Variants in AP1B1 observed in about 807,000 individuals in gnomAD.
AP1B1 encodes the protein AP-1 complex subunit beta-1.
Under a neutral mutation model 104.3 loss-of-function variants are expected in AP1B1, and 36 were observed. That is an observed-to-expected ratio of 0.35 (90% CI 0.26 to 0.46). The LOEUF is 0.46. Ranked by LOEUF, AP1B1 falls within the 20% of genes least tolerant of loss-of-function variation. The pLI is 1.00. For synonymous variants in AP1B1, 504 were observed against 517.5 expected, an observed-to-expected ratio of 0.97 and a Z score of 0.35; for missense variants, 901 against 1,247.9, an observed-to-expected ratio of 0.72 and a Z score of 4.19.
chr22:29,330,112 A>G, intron 21 of AP1B1: 1 of 1,417,730 alleles, frequency 7.1e-7, no homozygotes, highest in Non-Finnish European at 9.2e-7. Context: ...AGGGGTGCCA[A>G]ACCAACTGCA....
chr22:29,341,800 C>A (rs1240269892), intron 12 of AP1B1, 40 bp from the exon 13 acceptor site: 19 of 1,574,898 alleles, frequency 1.2e-5, no homozygotes, highest in Non-Finnish European at 1.6e-5. Context: ...CTCAGAGTAG[C>A]CAGGTGAGAA....
Position 29,328,854 on chromosome 22 carries a change from C to T in AP1B1, c.2817G>A (p.Val939=), listed in dbSNP as rs1430180632. Residue 939 remains valine, a synonymous_variant, in exon 23 of 23, where the codon GTG becomes GTA. Transcript: ENST00000357586. This position sits in a 1 kb window ranked among gnomAD's most constrained non-coding sequence, Gnocchi z 4.1. ...KCRAPEVSQH[V]YQAYETILKN ...TGAGGATGGTCTCGTAGGCCTGGTACACGTGCTGGGACACCTCTGGTGCTC... is the reference window on the plus strand; with the variant it reads ...TGAGGATGGTCTCGTAGGCCTGGTATACGTGCTGGGACACCTCTGGTGCTC... 1 of 1,609,408 alleles carries T rather than the reference C, an allele frequency of 6.2e-7. No individual in the cohort carries two copies. Among genetic ancestry groups the T allele is most frequent in the African/African-American group, 1.3e-5 (1 of 74,856 alleles).
intron 3 of AP1B1, among the ~76,000 whole-genome samples, chr22:29,360,576 C>T (rs2062029856): frequency 1.3e-5 from 2 of 152,218 alleles, no homozygotes; most frequent in African/African-American, 4.8e-5. Flanking sequence ...GAGCACACAC[C>T]ATACACCAGG....
chr22:29,328,903 G>A lies in AP1B1; in HGVS notation c.2776-8C>T. 1 of 1,606,578 alleles carries A rather than the reference G, an allele frequency of 6.2e-7. No homozygotes were observed. ...TCGACACTTCAGGGACAGCTGCAGG[G>A]GAGAGAGGGGTCGGGGGAAAGAGCG... On this transcript the variant is annotated splice_region_variant and splice_polypyrimidine_tract_variant and intron_variant, in intron 22 of 22. Transcript: ENST00000357586. The surrounding 1 kb of genome is among the most constrained non-coding windows in gnomAD (Gnocchi z 4.1).
Position 29,331,792 on chromosome 22 carries a change from G to C in AP1B1, c.2434C>G (p.Leu812Val). 1.2e-6 allele frequency: 2 copies of C among 1,614,220 alleles called. No individual in the cohort carries two copies. The highest frequency in any genetic ancestry group is 1.7e-6 in the Non-Finnish European group (2 of 1,180,042). ...CTGCCCTGCCCGGAACCCACCTGGA[G>C]GTTGTTCAGAGGCTCCATCTTCATG... ...SVMKMEPLNN[L>V]QVAVKNNIDV... The change falls in exon 18 of 23, where the codon CTC becomes GTC. Residue 812 changes from leucine (L) to valine (V), a missense_variant. Around this residue, in one of 3 missense-constraint regions of AP1B1, gnomAD observed 424 missense variants for 494.0 expected, o/e 0.86. Coordinates refer to ENST00000357586, the MANE Select transcript of AP1B1 (RefSeq NM_001127.4).
chr22:29,329,492 GC>G, intron 22 of AP1B1: 2 of 1,402,096 alleles, frequency 1.4e-6, no homozygotes, highest in Admixed American at 6.3e-5. Flanking sequence ...GTCAGCAGCA[GC>G]CCACGGGCCC....
At chr22:29,357,049 G>A (rs1467145509) in intron 5 of AP1B1, among the ~76,000 whole-genome samples, 1 of 144,522 alleles carries the variant, frequency 6.9e-6, no homozygotes, top group African/African-American at 2.6e-5. Flanking sequence ...CCACTAGGAA[G>A]GTGTTTTTTT....
chr22:29,377,047 T>C (rs1385520180), intron 1 of AP1B1, among the ~76,000 whole-genome samples: 2 of 151,554 alleles, frequency 1.3e-5, no homozygotes, highest in Non-Finnish European at 2.9e-5. Flanking sequence ...AATACAAAAA[T>C]TAGCTGGGTG....
chr22:29,375,689 T>A (rs576368655), intron 1 of AP1B1, among the ~76,000 whole-genome samples: 1 of 152,314 alleles, frequency 6.6e-6, no homozygotes, highest in South Asian at 2.1e-4. Context: ...CTGGCCCTAC[T>A]ACCAACAGCT....
At chr22:29,337,108 C>G (rs1191759282) in intron 16 of AP1B1, among the ~76,000 whole-genome samples, 1 of 152,222 alleles carries the variant, frequency 6.6e-6, no homozygotes, top group Non-Finnish European at 1.5e-5. Context: ...CCTGACACCC[C>G]ACGCATGAAG....
chr22:29,378,860 CAAAA>C (rs695434), intron 1 of AP1B1, among the ~76,000 whole-genome samples: 14 of 110,116 alleles, frequency 1.3e-4, no homozygotes, highest in African/African-American at 3.1e-4. Flanking sequence ...CTCCGTCCCA[CAAAA>C]AAAAAAAAAA....
chr22:29,372,091 G>A (rs1174679239), intron 1 of AP1B1, among the ~76,000 whole-genome samples: 1 of 152,120 alleles, frequency 6.6e-6, no homozygotes, highest in East Asian at 1.9e-4. Flanking sequence ...TCACATCCCA[G>A]AAACAGTTCT....
Position 29,328,529 on chromosome 22 carries a change from A to C in AP1B1, c.*292T>G. On this transcript the variant is annotated 3_prime_UTR_variant, in exon 23 of 23. Transcript: ENST00000357586. The surrounding 1 kb of genome is among the most constrained non-coding windows in gnomAD (Gnocchi z 4.1). Reference sequence around the variant, plus strand: ...AGCTCCACACTCACCCTTCAGGCACAGCTTCTGTGGCTGCTCTGGCTCTGT... The same window carrying C: ...AGCTCCACACTCACCCTTCAGGCACCGCTTCTGTGGCTGCTCTGGCTCTGT... 1 of 374,098 alleles carries C rather than the reference A, an allele frequency of 2.7e-6. No homozygotes were observed. The highest frequency in any genetic ancestry group is 5.0e-6 in the Non-Finnish European group (1 of 199,704). The allele number at this position is 374,098 out of a possible 1,614,324, so 23.2% of individuals were successfully genotyped here.
chr22:29,339,880 T>C, intron 14 of AP1B1, 106 bp from the exon 15 acceptor site: 221 of 990,318 alleles, frequency 2.2e-4, no homozygotes, highest in Non-Finnish European at 3.2e-4. Context: ...AGAGGGAGAT[T>C]AGTCAACGGT....
chr22:29,328,993 G>C lies in AP1B1; in HGVS notation c.2776-98C>G. On this transcript the variant is annotated intron_variant, in intron 22 of 22. Coordinates refer to ENST00000357586, the MANE Select transcript of AP1B1 (RefSeq NM_001127.4). The surrounding 1 kb of genome is among the most constrained non-coding windows in gnomAD (Gnocchi z 4.1). ...GAAGAGAGCAGGAACCAATGGGACA[G>C]CGTGGAGTGCACACAGCCTGGCGGC... 6.5e-7 allele frequency: 1 copy of C among 1,528,390 alleles called. No homozygotes were observed. The highest frequency in any genetic ancestry group is 8.8e-7 in the Non-Finnish European group (1 of 1,139,470). 94.7% of individuals were successfully genotyped at this position (1,528,390 alleles called of 1,614,324 possible).
chr22:29,343,236 G>A (rs2061740350), intron 11 of AP1B1, among the ~76,000 whole-genome samples: 1 of 152,260 alleles, frequency 6.6e-6, no homozygotes, highest in Non-Finnish European at 1.5e-5. Context: ...GCAGCCTGAT[G>A]CTCCCGGAGT....
chr22:29,354,407 C>T (rs1229572205), intron 7 of AP1B1, among the ~76,000 whole-genome samples: 1 of 152,124 alleles, frequency 6.6e-6, no homozygotes, highest in Non-Finnish European at 1.5e-5. Context: ...GACCAGCACT[C>T]CTAGCCTCTG....
intron 1 of AP1B1, among the ~76,000 whole-genome samples, chr22:29,378,860 C>CAAA (rs695434): frequency 9.1e-5 from 10 of 110,156 alleles, no homozygotes; most frequent in African/African-American, 1.7e-4. Context: ...CTCCGTCCCA[C>CAAA]AAAAAAAAAA....
chr22:29,379,368 AG>A (rs1394410420), intron 1 of AP1B1, among the ~76,000 whole-genome samples: 1 of 152,216 alleles, frequency 6.6e-6, no homozygotes, highest in Admixed American at 6.5e-5. Flanking sequence ...AAATAAAGTA[AG>A]TAAGGCTTCT....
Sources: gnomAD v4.1 joint callset for allele counts (sites outside exome capture counted in the v4.1 genomes callset) on GRCh38, gnomAD v4.1.1 for gene constraint, gnomAD v4.1.1 regional missense constraint, Gnocchi (gnomAD v3.1) non-coding constraint, MANE v1.5 for transcripts, NCBI Gene and HGNC (gene_info 2026-07-23, HGNC 2026-07-21) for gene names.